Variants in TASOR2 observed in about 807,000 individuals in gnomAD.
TASOR2 encodes transcription activation suppressor family member 2, also known as protein TASOR 2.
TASOR2 carries 84 observed loss-of-function variants against 199.5 expected under a neutral mutation model. That is an observed-to-expected ratio of 0.42 (90% CI 0.35 to 0.50). The LOEUF (loss-of-function observed/expected upper bound fraction) is 0.50. TASOR2 is among the 20% of genes least tolerant of loss of function. TASOR2 has a pLI of 0.02. For missense variants in TASOR2, 2,796 were observed against 2,835.9 expected, an observed-to-expected ratio of 0.99 and a Z score of 0.32; for synonymous variants, 1,103 against 1,046.6, an observed-to-expected ratio of 1.05 and a Z score of -1.04.
At position 5,707,677 on chromosome 10, in the gene TASOR2, T is replaced by TC. The variant is rs373978999; in HGVS notation, c.-287-5138dup. ...CTTTCTCTCTCTCTCTCTCTCTGTC[T>TC]CCCCCCCCAACCCCACACACACACA... On this transcript the variant is annotated intron_variant, in intron 1 of 20. Coordinates refer to ENST00000328090, the Ensembl canonical transcript of TASOR2. Among the ~76,000 whole-genome samples, 210 of 145,684 alleles carry TC rather than the reference T, an allele frequency of 1.4e-3. 2 individuals carry two copies. Among genetic ancestry groups the TC allele is most frequent in the Non-Finnish European group, 2.4e-3 (162 of 66,200 alleles).
At chr10:5,711,831 A>G (rs916558633) in intron 1 of TASOR2, among the ~76,000 whole-genome samples, 3 of 152,130 alleles carry the variant, frequency 2.0e-5, no homozygotes, top group African/African-American at 4.8e-5. Context: ...CACAGGAAGT[A>G]AAACTCAATA....
rs1364153271 is a variant in TASOR2, at chr10:5,752,257, CAAAT to C, written c.6606+2235_6606+2238del. On this transcript the variant is annotated intron_variant, in intron 15 of 20. Coordinates refer to ENST00000328090, the Ensembl canonical transcript of TASOR2. This position sits in a 1 kb window ranked among gnomAD's most constrained non-coding sequence, Gnocchi z 4.4. ...GAAAACACTGATTAAAAGAGTCACACAAATAAATGTGAAATGAAAGTGATGGTAA... is the reference window on the plus strand; with the variant it reads ...GAAAACACTGATTAAAAGAGTCACACAAATGTGAAATGAAAGTGATGGTAA... Among the ~76,000 whole-genome samples the C allele has an allele frequency of 6.6e-6, 1 of 152,180 alleles. No individual in the cohort carries two copies. The highest frequency in any genetic ancestry group is 1.5e-5 in the Non-Finnish European group (1 of 68,042).
chr10:5,746,987 G>C, exon 15 of TASOR2: 1 of 1,614,146 alleles, frequency 6.2e-7, no homozygotes. Context: ...CAGACTCAGA[G>C]TCTCCTCGGC....
At chr10:5,723,120 C>T (rs1160179437) in intron 6 of TASOR2, among the ~76,000 whole-genome samples, 5 of 127,750 alleles carry the variant, frequency 3.9e-5, no homozygotes, top group African/African-American at 6.0e-5. Context: ...GGCACAATCT[C>T]AGCTCACTGC....
intron 1 of TASOR2, among the ~76,000 whole-genome samples, chr10:5,705,674 C>T (rs1838493976): frequency 2.0e-5 from 3 of 152,108 alleles, no homozygotes; most frequent in Admixed American, 1.3e-4. Flanking sequence ...TCTACTGGAG[C>T]AGTAGTATTT....
chr10:5,735,520 C>T lies in TASOR2; in HGVS notation c.1421C>T (p.Pro474Leu), dbSNP rs547760924. ...AATATAGTAAAAGGCAATGAGAACC[C>T]CAGAAACAGAAAGCAGCTACAACCT... The change falls in exon 12 of 21, where the codon CCC becomes CTC. Residue 474 changes from proline (P) to leucine (L), a missense_variant. Pro to Leu is a moderately conservative substitution (Grantham distance 98). Coordinates refer to ENST00000328090, the Ensembl canonical transcript of TASOR2. The T allele has an allele frequency of 1.9e-6, 3 of 1,613,564 alleles. No individual in the cohort carries two copies. The South Asian group carries it at 3.3e-5, about 18-fold the overall frequency.
At chr10:5,747,586 G>C (rs1319020097) in exon 15 of TASOR2, 1 of 1,614,010 alleles carries the variant, frequency 6.2e-7, no homozygotes, top group African/African-American at 1.3e-5. Context: ...TGTGACCTCT[G>C]ATTTTCCCTT....
chr10:5,761,487 A>G lies in TASOR2; in HGVS notation c.7174+16A>G, dbSNP rs777771137. ...CTCCTAACAGGTAATTCACAGGCGC[A>G]TTTTACTCAGTTAATGCCAAAATTG... On this transcript the variant is annotated intron_variant, in intron 19 of 20. Transcript: ENST00000328090. 224 of 1,605,778 alleles carry G rather than the reference A, an allele frequency of 1.4e-4. No individual in the cohort carries two copies. Among genetic ancestry groups the G allele is most frequent in the Middle Eastern group, 4.9e-4 (3 of 6,074 alleles).
intron 1 of TASOR2, among the ~76,000 whole-genome samples, chr10:5,692,450 G>C (rs566437441): frequency 6.6e-6 from 1 of 152,294 alleles, no homozygotes; most frequent in Non-Finnish European, 1.5e-5. Context: ...CATCCTCCTA[G>C]TGGGGTTACT....
In TASOR2 at chr10:5,685,308, C is replaced by T. The variant is rs1490467859; in HGVS notation, c.-288+133C>T. On this transcript the variant is annotated intron_variant, in intron 1 of 20. Coordinates refer to ENST00000328090, the Ensembl canonical transcript of TASOR2. This position sits in a 1 kb window ranked among gnomAD's most constrained non-coding sequence, Gnocchi z 5.4. ...CGTTCTCCTTGCCTTTTGCCGCGCTCCGGGTGAGGGGGTGGGAGGGGTCGG... is the reference window on the plus strand; with the variant it reads ...CGTTCTCCTTGCCTTTTGCCGCGCTTCGGGTGAGGGGGTGGGAGGGGTCGG... 2.5e-6 allele frequency: 1 copy of T among 396,212 alleles called. No individual in the cohort carries two copies. The highest frequency in any genetic ancestry group is 3.6e-5 in the East Asian group (1 of 28,022). The allele number at this position is 396,212 out of a possible 1,614,324, so 24.5% of individuals were successfully genotyped here. A position where few individuals can be genotyped will look rare whatever the true frequency, so the allele number is the denominator to read the frequency against.
Position 5,692,839 on chromosome 10 carries a change from C to T in TASOR2, c.-288+7664C>T, listed in dbSNP as rs117638247. The T allele has an allele frequency of 8.9e-3, 1,355 of 152,376 alleles. 17 individuals are homozygous for T. Among genetic ancestry groups the T allele is most frequent in the East Asian group, 0.055 (285 of 5,136 alleles). The allele number at this position is 152,376 out of a possible 1,614,324, so 9.4% of individuals were successfully genotyped here. ...GCGCGGAGTTCCCCGCTCTGGCGCA[C>T]TGGCCTTGGCTGGCGGGAGGGGGCC... is the stretch of plus-strand genomic sequence containing the variant. On this transcript the variant is annotated intron_variant, in intron 1 of 20. Coordinates refer to ENST00000328090, the Ensembl canonical transcript of TASOR2.
Position 5,723,790 on chromosome 10 carries a change from G to T in TASOR2, c.247+13G>T. The T allele has an allele frequency of 6.5e-7, 1 of 1,545,070 alleles. No individual in the cohort carries two copies. Among genetic ancestry groups the T allele is most frequent in the Non-Finnish European group, 8.9e-7 (1 of 1,126,856 alleles). On this transcript the variant is annotated intron_variant, in intron 7 of 20. Coordinates refer to ENST00000328090, the Ensembl canonical transcript of TASOR2. Reference sequence around the variant, plus strand: ...TTGGAGGAGAAAGGTCTGTTGAAATGTAATAACACGCTACTTGTCCTGGGC... The same window carrying T: ...TTGGAGGAGAAAGGTCTGTTGAAATTTAATAACACGCTACTTGTCCTGGGC...
intron 1 of TASOR2, among the ~76,000 whole-genome samples, chr10:5,691,134 C>T (rs934216262): frequency 4.0e-5 from 6 of 148,850 alleles, no homozygotes; most frequent in African/African-American, 1.5e-4. Flanking sequence ...GAGATTGCAG[C>T]GAGCCGAGAT....
chr10:5,746,147 AT>A (rs59659624), intron 14 of TASOR2, 31 bp from the exon 16 acceptor site: 29,083 of 1,362,676 alleles, frequency 0.021, no homozygotes, highest in South Asian at 0.053. Context: ...TATATGACTG[AT>A]TTTTTTTTTT....
chr10:5,713,569 A>G (rs939797096), intron 2 of TASOR2, among the ~76,000 whole-genome samples: 1 of 152,240 alleles, frequency 6.6e-6, no homozygotes, highest in African/African-American at 2.4e-5. Flanking sequence ...AATTAGCACT[A>G]ACATATAATA....
At chr10:5,755,347 C>T (rs972405242) in intron 15 of TASOR2, among the ~76,000 whole-genome samples, 3 of 151,936 alleles carry the variant, frequency 2.0e-5, no homozygotes, top group African/African-American at 4.8e-5. Context: ...CCAAGGCAGG[C>T]GGATCGCTTG....
At chr10:5,700,388 A>G (rs1837673941) in intron 1 of TASOR2, among the ~76,000 whole-genome samples, 2 of 152,254 alleles carry the variant, frequency 1.3e-5, no homozygotes, top group African/African-American at 2.4e-5. Flanking sequence ...GTGTTGCAGT[A>G]AATACGGGAG....
rs1389934500 is a variant in TASOR2 at position 5,752,215 on chromosome 10, T to G, written c.6606+2188T>G. 6.6e-6 allele frequency among the ~76,000 whole-genome samples: 1 copy of G among 152,194 alleles called. No individual in the cohort carries two copies. The highest frequency in any genetic ancestry group is 1.5e-5 in the Non-Finnish European group (1 of 68,042). On this transcript the variant is annotated intron_variant, in intron 15 of 20. Coordinates refer to ENST00000328090, the Ensembl canonical transcript of TASOR2. This position sits in a 1 kb window ranked among gnomAD's most constrained non-coding sequence, Gnocchi z 4.4. The stretch of plus-strand genomic sequence containing the variant: ...TGTTGCTTTTTTGTCATGATTCTTA[T>G]AGTCTAATGGGACAAGGAAAACACT...
At chr10:5,735,421 A>T (rs866232620) in exon 12 of TASOR2, 1 of 1,614,076 alleles carries the variant, frequency 6.2e-7, no homozygotes, top group Admixed American at 1.7e-5. Context: ...GCAAGGAAAC[A>T]AGAGAAATCT....
Sources: gnomAD v4.1 joint callset for allele counts (sites outside exome capture counted in the v4.1 genomes callset) on GRCh38, gnomAD v4.1.1 for gene constraint, Gnocchi (gnomAD v3.1) non-coding constraint, MANE v1.5 for transcripts, NCBI Gene and HGNC (gene_info 2026-07-23, HGNC 2026-07-21) for gene names.